Variants in A3GALT2 observed in about 807,000 individuals in gnomAD.
A3GALT2 encodes alpha 1,3-galactosyltransferase 2, also known as alpha-1,3-galactosyltransferase 2.
A3GALT2 carries 14 observed loss-of-function variants against 16.6 expected under a neutral mutation model. The ratio of observed to expected loss-of-function variants is 0.84; its 90% CI spans 0.56 to 1.32. The LOEUF (loss-of-function observed/expected upper bound fraction) is 1.32. A3GALT2 is among the 40% of genes most tolerant of loss of function. A3GALT2 has a pLI of 0.00. For synonymous variants in A3GALT2, 253 were observed against 218.0 expected (o/e 1.16, Z -1.42); for missense variants, 600 against 490.9 (o/e 1.22, Z -2.10).
chr1:33,311,421 C>G (rs1646232078), intron 4 of A3GALT2, among the ~76,000 whole-genome samples: 1 of 152,144 alleles, frequency 6.6e-6, no homozygotes, highest in Non-Finnish European at 1.5e-5. Flanking sequence ...TCTTCTAGCT[C>G]ACTTACTGTG....
At chr1:33,308,747 G>GTTGTTTTTTTTTTTTT (rs1646216163) in intron 4 of A3GALT2, among the ~76,000 whole-genome samples, 1 of 67,210 alleles carries the variant, frequency 1.5e-5, no homozygotes, top group East Asian at 3.3e-4. Context: ...TCATGTCAAA[G>GTTGTTTTTTTTTTTTT]TTGTTTTTTT....
intron 1 of A3GALT2, among the ~76,000 whole-genome samples, chr1:33,315,923 G>A (rs914588099): frequency 5.9e-5 from 9 of 152,060 alleles, no homozygotes; most frequent in African/African-American, 2.2e-4. Flanking sequence ...AGATGTGGGT[G>A]TAGTTGGGCG....
chr1:33,316,194 AAAC>A (rs1280562853), intron 1 of A3GALT2, among the ~76,000 whole-genome samples: 1 of 152,134 alleles, frequency 6.6e-6, no homozygotes, highest in Middle Eastern at 3.2e-3. Context: ...CATGGAAAAG[AAAC>A]AACAGTATGC....
rs1646194796 is a variant in A3GALT2 at position 33,306,866 on chromosome 1, G to C, written c.923C>G (p.Ser308Trp). 4 of 1,516,920 alleles carry C rather than the reference G, an allele frequency of 2.6e-6. No individual in the cohort carries two copies. Among genetic ancestry groups the C allele is most frequent in the Non-Finnish European group, 2.6e-6 (3 of 1,138,156 alleles). 94.0% of individuals were successfully genotyped at this position (1,516,920 alleles called of 1,614,324 possible). ...FWLHKPAKVL[S>W]PEFCWSPDIG... The stretch of plus-strand genomic sequence containing the variant: ...GTCCGGGCTCCAGCAGAACTCGGGC[G>C]ACAGCACCTTGGCGGGCTTGTGCAG... The change falls in exon 5 of 5, where the codon TCG becomes TGG. Residue 308 changes from serine (S) to tryptophan (W), a missense_variant. Ser to Trp is a radical substitution (Grantham distance 177). Transcript: ENST00000442999.
Position 33,306,823 on chromosome 1 carries a change from C to G in A3GALT2, c.966G>C (p.Glu322Asp). Residue 322 changes from glutamate (E) to aspartate (D), a missense_variant, in exon 5 of 5, where the codon GAG becomes GAC. By Grantham distance (45) the Glu-to-Asp change is conservative. Coordinates refer to ENST00000442999, the MANE Select transcript of A3GALT2 (RefSeq NM_001080438.1). ...CWSPDIGPRA[E>D]IRRPRLLWAP... ...CCCACAGCAGTCGCGGGCGGCGGAT[C>G]TCGGCCCGCGGGCCGATGTCCGGGC... The G allele has an allele frequency of 6.7e-7, 1 of 1,484,912 alleles. No homozygotes were observed. The highest frequency in any genetic ancestry group is 1.5e-5 in the African/African-American group (1 of 68,416). The allele number at this position is 1,484,912 out of a possible 1,614,324, so 92.0% of individuals were successfully genotyped here.
At position 33,309,423 on chromosome 1, in the gene A3GALT2, C is replaced by T. The variant is rs1445758759; in HGVS notation, c.336-1970G>A. Among the ~76,000 whole-genome samples the T allele has an allele frequency of 2.7e-5, 4 of 149,800 alleles. 1 individual carries two copies. Among genetic ancestry groups the T allele is most frequent in the Admixed American group, 2.0e-4 (3 of 15,108 alleles). ...CCCCCCACCTCCCTCCCGGACGGGG[C>T]GGCTGGCCAGGCGGGGGCTGTCCCC... is the stretch of plus-strand genomic sequence containing the variant. On this transcript the variant is annotated intron_variant, in intron 4 of 4. Coordinates refer to ENST00000442999, the MANE Select transcript of A3GALT2 (RefSeq NM_001080438.1).
intron 4 of A3GALT2, among the ~76,000 whole-genome samples, chr1:33,311,066 C>T (rs952052890): frequency 3.9e-5 from 6 of 152,168 alleles, no homozygotes; most frequent in Non-Finnish European, 7.4e-5. Context: ...CTTCCCCATC[C>T]TTCCTGAATG....
Position 33,315,100 on chromosome 1 carries a change from C to T in A3GALT2, c.24-2210G>A, listed in dbSNP as rs115302754. Among the ~76,000 whole-genome samples, 625 of 151,936 alleles carry T rather than the reference C, an allele frequency of 4.1e-3. 2 individuals carry two copies. Among genetic ancestry groups the T allele is most frequent in the Middle Eastern group, 6.9e-3 (2 of 290 alleles). ...TGCCTCTGCAAAAAATTAAATTAGC[C>T]GGGGCTGGGCGTGGTGGCTCATGCC... On this transcript the variant is annotated intron_variant, in intron 1 of 4. Coordinates refer to ENST00000442999, the MANE Select transcript of A3GALT2 (RefSeq NM_001080438.1).
At position 33,320,757 on chromosome 1, in the gene A3GALT2, A is replaced by AC. The variant is rs1646281950; in HGVS notation, c.23+318dup. Among the ~76,000 whole-genome samples the AC allele has an allele frequency of 1.3e-5, 2 of 151,778 alleles. No individual in the cohort carries two copies. The highest frequency in any genetic ancestry group is 4.1e-4 in the South Asian group (2 of 4,820). On this transcript the variant is annotated intron_variant, in intron 1 of 4. Transcript: ENST00000442999. The surrounding 1 kb of genome is among the most constrained non-coding windows in gnomAD (Gnocchi z 4.3). The stretch of plus-strand genomic sequence containing the variant: ...TCAGTTACAGTCGGGGAGGGAATGT[A>AC]CCCCCGGGTCTCTGCTTTCCGGCTC...
intron 4 of A3GALT2, 93 bp downstream of exon 4, chr1:33,311,959 G>A: frequency 6.5e-6 from 10 of 1,529,864 alleles, no homozygotes; most frequent in Non-Finnish European, 8.8e-6. Context: ...GGATCCCATG[G>A]CACAGGGGAG....
chr1:33,312,514 C>T lies in A3GALT2; in HGVS notation c.184G>A (p.Ala62Thr), dbSNP rs1322141216. 5 of 1,597,594 alleles carry T rather than the reference C, an allele frequency of 3.1e-6. No homozygotes were observed. The South Asian group carries it at 5.6e-5, about 18-fold the overall frequency. ...MSQLRDNFTG[A>T]LRPWARPEVL... ...GGAGCTTCTTACCAGGGACGCAGGG[C>T]ACCTGTGAAGTTGTCTCTCAGCTGG... Residue 62 changes from alanine to threonine, a missense_variant, in exon 3 of 5, where the codon GCC becomes ACC. Coordinates refer to ENST00000442999, the MANE Select transcript of A3GALT2 (RefSeq NM_001080438.1).
At chr1:33,312,472 T>C in intron 3 of A3GALT2, 29 bp downstream of exon 3, 1 of 1,543,562 alleles carries the variant, frequency 6.5e-7, no homozygotes. Flanking sequence ...GGGGGTGCCC[T>C]TGGAGTAGGA....
In A3GALT2 at chr1:33,312,112, G is replaced by T; in HGVS notation, c.275C>A (p.Ala92Asp). The change falls in exon 4 of 5, where the codon GCC becomes GAC. Residue 92 changes from alanine to aspartate, a missense_variant. Ala to Asp is a moderately radical substitution (Grantham distance 126, BLOSUM62 -2). Transcript: ENST00000442999. ...IWDGSFDPDV[A>D]KQEARQQNLT... Reference sequence around the variant, plus strand: ...GTTCTGCTGTCTAGCCTCTTGCTTGGCCACATCTGGGTCGAAAGAGCCATC... The same window carrying T: ...GTTCTGCTGTCTAGCCTCTTGCTTGTCCACATCTGGGTCGAAAGAGCCATC... 1.2e-6 allele frequency: 2 copies of T among 1,613,698 alleles called. No homozygotes were observed. Among genetic ancestry groups the T allele is most frequent in the Non-Finnish European group, 1.7e-6 (2 of 1,179,828 alleles).
At position 33,306,998 on chromosome 1, in the gene A3GALT2, G is replaced by A. The variant is rs1391445722; in HGVS notation, c.791C>T (p.Ala264Val). 4.1e-6 allele frequency: 6 copies of A among 1,460,222 alleles called. No homozygotes were observed. The highest frequency in any genetic ancestry group is 5.4e-6 in the Non-Finnish European group (6 of 1,113,148). The allele number at this position is 1,460,222 out of a possible 1,614,324, so 90.5% of individuals were successfully genotyped here. Residue 264 changes from alanine to valine, a missense_variant, in exon 5 of 5, where the codon GCG (alanine) becomes GTG (valine). Transcript: ENST00000442999. ...HAAVFGGSVA[A>V]LRGLTAHCAG... ...ACAGTGCGCCGTCAGCCCGCGCAGC[G>A]CCGCCACGCTGCCCCCGAACACCGC...
rs1208261161 is a variant in A3GALT2, at chr1:33,306,794, G to C, written c.995C>G (p.Pro332Arg). The C allele has an allele frequency of 3.5e-6, 5 of 1,438,246 alleles. No individual in the cohort carries two copies. The highest frequency in any genetic ancestry group is 4.5e-6 in the Non-Finnish European group (5 of 1,104,362). The allele number at this position is 1,438,246 out of a possible 1,614,324, so 89.1% of individuals were successfully genotyped here. A position where few individuals can be genotyped will look rare whatever the true frequency, so the allele number is the denominator to read the frequency against. ...GTTCCGCAGCAGCCGGTACCCCTTGGGCGCCCACAGCAGTCGCGGGCGGCG... is the reference window on the plus strand; with the variant it reads ...GTTCCGCAGCAGCCGGTACCCCTTGCGCGCCCACAGCAGTCGCGGGCGGCG... The part of the protein sequence containing the change: ...EIRRPRLLWA[P>R]KGYRLLRN Residue 332 changes from proline (P) to arginine (R), a missense_variant, in exon 5 of 5, where the codon CCC (proline) becomes CGC (arginine). Transcript: ENST00000442999.
Position 33,320,313 on chromosome 1 carries a change from C to G in A3GALT2, c.23+763G>C, listed in dbSNP as rs546101385. Among the ~76,000 whole-genome samples, 1 of 152,176 alleles carries G rather than the reference C, an allele frequency of 6.6e-6. No homozygotes were observed. The highest frequency in any genetic ancestry group is 1.9e-4 in the East Asian group (1 of 5,184). On this transcript the variant is annotated intron_variant, in intron 1 of 4. Coordinates refer to ENST00000442999, the MANE Select transcript of A3GALT2 (RefSeq NM_001080438.1). The surrounding 1 kb of genome is among the most constrained non-coding windows in gnomAD (Gnocchi z 4.3). ...AAAAGGCTGGAGGGGCTTTCTCCCCCTCTGTGGCTGTCCCACCCTCTTCAC... is the reference window on the plus strand; with the variant it reads ...AAAAGGCTGGAGGGGCTTTCTCCCCGTCTGTGGCTGTCCCACCCTCTTCAC...
Position 33,312,573 on chromosome 1 carries a change from A to G in A3GALT2, c.125T>C (p.Ile42Thr). 1 of 1,595,118 alleles carries G rather than the reference A, an allele frequency of 6.3e-7. No homozygotes were observed. The highest frequency in any genetic ancestry group is 8.6e-7 in the Non-Finnish European group (1 of 1,169,522). ...LPKFRHLEALIPMGVCPSATM... is the reference protein window; with the variant it reads ...LPKFRHLEALTPMGVCPSATM... ...GGCCGAAGGGCAGACGCCCATGGGG[A>G]TGAGGGCTTCCAGATGCCTGTGGTG... Residue 42 changes from isoleucine (I) to threonine (T), a missense_variant, in exon 3 of 5, where the codon ATC becomes ACC. Coordinates refer to ENST00000442999, the MANE Select transcript of A3GALT2 (RefSeq NM_001080438.1).
chr1:33,306,916 C>T lies in A3GALT2; in HGVS notation c.873G>A (p.Glu291=). Residue 291 remains glutamate (E), a synonymous_variant, in exon 5 of 5, where the codon GAG becomes GAA. Transcript: ENST00000442999. Reference sequence around the variant, plus strand: ...GCCAGAAGAACTTGTTGAGGTGGCTCTCGTCGTGCCAGCGCGCCTCCAGGC... The same window carrying T: ...GCCAGAAGAACTTGTTGAGGTGGCTTTCGTCGTGCCAGCGCGCCTCCAGGC... ...ARGLEARWHD[E]SHLNKFFWLH... is the part of the protein sequence containing the mutation. 1 of 1,520,980 alleles carries T rather than the reference C, an allele frequency of 6.6e-7. No homozygotes were observed. Among genetic ancestry groups the T allele is most frequent in the East Asian group, 2.7e-5 (1 of 37,280 alleles). 94.2% of individuals were successfully genotyped at this position (1,520,980 alleles called of 1,614,324 possible).
At position 33,320,099 on chromosome 1, in the gene A3GALT2, C is replaced by T. The variant is rs191947653; in HGVS notation, c.23+977G>A. Reference sequence around the variant, plus strand: ...GGTTCTCGGCCCTGTTATTTCTCCCCGTGGGCTTGGCTTCTTCCCTTCGCA... The same window carrying T: ...GGTTCTCGGCCCTGTTATTTCTCCCTGTGGGCTTGGCTTCTTCCCTTCGCA... On this transcript the variant is annotated intron_variant, in intron 1 of 4. Coordinates refer to ENST00000442999, the MANE Select transcript of A3GALT2 (RefSeq NM_001080438.1). This position sits in a 1 kb window ranked among gnomAD's most constrained non-coding sequence, Gnocchi z 4.3. Among the ~76,000 whole-genome samples, 262 of 152,036 alleles carry T rather than the reference C, an allele frequency of 1.7e-3. 5 individuals carry two copies. The highest frequency in any genetic ancestry group is 1.4e-3 in the Non-Finnish European group (96 of 68,024).
Sources: gnomAD v4.1 joint callset for allele counts (sites outside exome capture counted in the v4.1 genomes callset) on GRCh38, gnomAD v4.1.1 for gene constraint, Gnocchi (gnomAD v3.1) non-coding constraint, MANE v1.5 for transcripts, NCBI Gene and HGNC (gene_info 2026-07-23, HGNC 2026-07-21) for gene names.